The following DLEU7 variants were observed in gnomAD, a reference collection of about 807,000 sequenced individuals.
DLEU7 encodes the protein leukemia-associated protein 7.
Under a neutral mutation model 16.0 loss-of-function variants are expected in DLEU7, and 17 were observed. The observed-to-expected ratio is 1.06, with a 90% CI of 0.73 to 1.59. DLEU7 has a LOEUF of 1.59. Among genes scored for constraint, DLEU7 ranks in the 40% most tolerant of loss-of-function variants. The pLI is 0.00. For missense variants in DLEU7, 308 were observed against 314.9 expected (o/e 0.98, Z 0.17); for synonymous variants, 113 against 139.8 (o/e 0.81, Z 1.35).
intron 1 of DLEU7, among the ~76,000 whole-genome samples, chr13:50,760,741 A>C (rs1392634581): frequency 6.6e-6 from 1 of 152,256 alleles, no homozygotes; most frequent in Non-Finnish European, 1.5e-5. Flanking sequence ...AATGTGATGA[A>C]TCTTAAATTT....
chr13:50,796,066 T>G (rs1309073664), intron 1 of DLEU7, among the ~76,000 whole-genome samples: 1 of 130,414 alleles, frequency 7.7e-6, no homozygotes, highest in African/African-American at 3.0e-5. Context: ...ACCACCAGGA[T>G]ATATATAATA....
At chr13:50,756,144 G>T (rs907367583) in intron 1 of DLEU7, among the ~76,000 whole-genome samples, 1 of 152,190 alleles carries the variant, frequency 6.6e-6, no homozygotes, top group African/African-American at 2.4e-5. Flanking sequence ...ACTCTGTGAG[G>T]GTTCTTAGCT....
At chr13:50,756,376 C>G (rs1054385415) in intron 1 of DLEU7, among the ~76,000 whole-genome samples, 1 of 152,272 alleles carries the variant, frequency 6.6e-6, no homozygotes, top group South Asian at 2.1e-4. Flanking sequence ...GACTCTCCTT[C>G]GATGGGTCTT....
At chr13:50,781,990 A>G (rs1006958989) in intron 1 of DLEU7, among the ~76,000 whole-genome samples, 1 of 152,172 alleles carries the variant, frequency 6.6e-6, no homozygotes, top group Admixed American at 6.5e-5. Flanking sequence ...ATGTATTCAA[A>G]CTGTGGTTTT....
intron 1 of DLEU7, among the ~76,000 whole-genome samples, chr13:50,713,924 G>A (rs1179029571): frequency 1.3e-5 from 2 of 152,188 alleles, no homozygotes; most frequent in East Asian, 3.9e-4. Flanking sequence ...GCCCGCATGT[G>A]GCCTCCCGGA....
At chr13:50,781,376 C>T (rs1015092659) in intron 1 of DLEU7, among the ~76,000 whole-genome samples, 1 of 152,210 alleles carries the variant, frequency 6.6e-6, no homozygotes, top group Admixed American at 6.5e-5. Flanking sequence ...CTGGAAAACT[C>T]CACTGTATAC....
intron 1 of DLEU7, among the ~76,000 whole-genome samples, chr13:50,744,447 C>T (rs7989430): frequency 0.079 from 12,021 of 152,100 alleles, 1,564 homozygotes; most frequent in African/African-American, 0.27. Flanking sequence ...GGCTTTTGAC[C>T]GTGTAAGTGT....
intron 1 of DLEU7, among the ~76,000 whole-genome samples, chr13:50,764,901 G>A (rs1455788208): frequency 7.6e-6 from 1 of 131,764 alleles, no homozygotes; most frequent in Non-Finnish European, 1.5e-5. Flanking sequence ...TGTTTTGTTT[G>A]AGACAGAGTC....
chr13:50,810,181 T>A (rs1232443188), intron 1 of DLEU7, among the ~76,000 whole-genome samples: 1 of 107,108 alleles, frequency 9.3e-6, no homozygotes, highest in East Asian at 2.4e-4. Context: ...GAAAAGAAAT[T>A]CTGGAAAAAA....
At position 50,840,531 on chromosome 13, in the gene DLEU7, G is replaced by A. The variant is rs889643768; in HGVS notation, c.459+2657C>T. Among the ~76,000 whole-genome samples, 16 of 152,160 alleles carry A rather than the reference G, an allele frequency of 1.1e-4. No homozygotes were observed. The East Asian group carries it at 2.1e-3, about 20-fold the overall frequency. On this transcript the variant is annotated intron_variant, in intron 1 of 1. Coordinates refer to ENST00000504404, the MANE Select transcript of DLEU7 (RefSeq NM_001306135.2). ...GCCCTAAAACTCATTATCCCCCTGC[G>A]GGTGAACAGCAGACTCCAGTAGTTG...
chr13:50,837,108 T>C (rs1877496266), intron 1 of DLEU7, among the ~76,000 whole-genome samples: 1 of 152,198 alleles, frequency 6.6e-6, no homozygotes, highest in Admixed American at 6.5e-5. Flanking sequence ...CCAGTCACCA[T>C]TCAAAAGTCT....
intron 1 of DLEU7, among the ~76,000 whole-genome samples, chr13:50,805,044 T>C (rs888984443): frequency 3.9e-5 from 6 of 152,164 alleles, no homozygotes; most frequent in African/African-American, 7.2e-5. Context: ...TCTTTCTCTC[T>C]TGTAAAACTG....
intron 1 of DLEU7, among the ~76,000 whole-genome samples, chr13:50,725,114 C>T (rs1435779803): frequency 6.6e-6 from 1 of 152,116 alleles, no homozygotes; most frequent in African/African-American, 2.4e-5. Context: ...TTCACAATGT[C>T]CTTGAGTCTC....
At chr13:50,773,184 T>G (rs1875379790) in intron 1 of DLEU7, among the ~76,000 whole-genome samples, 1 of 152,134 alleles carries the variant, frequency 6.6e-6, no homozygotes, top group South Asian at 2.1e-4. Context: ...TTTTTCAAGG[T>G]TTTTAGCTTC....
At chr13:50,750,177 T>G (rs1378104730) in intron 1 of DLEU7, among the ~76,000 whole-genome samples, 1 of 152,202 alleles carries the variant, frequency 6.6e-6, no homozygotes, top group African/African-American at 2.4e-5. Context: ...CCCAGCCCCA[T>G]TTGTTGAAAA....
chr13:50,775,022 T>C (rs1404000554), intron 1 of DLEU7, among the ~76,000 whole-genome samples: 1 of 152,186 alleles, frequency 6.6e-6, no homozygotes, highest in Non-Finnish European at 1.5e-5. Flanking sequence ...TTCATTAACA[T>C]ATTTATCGTA....
At chr13:50,731,342 G>A (rs550976922) in intron 1 of DLEU7, among the ~76,000 whole-genome samples, 20 of 152,294 alleles carry the variant, frequency 1.3e-4, no homozygotes, top group Admixed American at 1.3e-4. Context: ...TGGACAACTT[G>A]TAGTCAAGGC....
At chr13:50,745,165 C>G (rs1029772508) in intron 1 of DLEU7, among the ~76,000 whole-genome samples, 2 of 152,026 alleles carry the variant, frequency 1.3e-5, no homozygotes, top group Admixed American at 1.3e-4. Context: ...AGAAAGCTAC[C>G]CAAATGTCCA....
At chr13:50,713,910 C>T (rs1873365164) in intron 1 of DLEU7, among the ~76,000 whole-genome samples, 1 of 152,226 alleles carries the variant, frequency 6.6e-6, no homozygotes, top group African/African-American at 2.4e-5. Context: ...ACGACCCAGA[C>T]TCTGCCCGCA....
Sources: allele counts gnomAD v4.1 joint callset (sites outside exome capture counted in the v4.1 genomes callset), GRCh38; gene constraint gnomAD v4.1.1; transcripts MANE v1.5; gene names NCBI Gene and HGNC (gene_info 2026-07-23, HGNC 2026-07-21).